ZNF616: variants seen among roughly 807,000 people sequenced by gnomAD.
The protein encoded by ZNF616 is zinc finger protein 616.
A neutral mutation model predicts 7.6 loss-of-function variants in ZNF616; 5 were observed. The observed-to-expected ratio is 0.66, with a 90% confidence interval of 0.34 to 1.38. ZNF616 has a LOEUF of 1.38. Among genes scored for constraint, ZNF616 ranks in the 40% most tolerant of loss-of-function variants. ZNF616 has a pLI of 0.04. For synonymous variants in ZNF616, 319 were observed against 317.2 expected (o/e 1.01, Z -0.06); for missense variants, 913 against 948.3 (o/e 0.96, Z 0.49).
chr19:52,128,564 G>A (rs1008924732), intron 2 of ZNF616, among the ~76,000 whole-genome samples: 2 of 152,042 alleles, frequency 1.3e-5, no homozygotes, highest in African/African-American at 4.8e-5. Flanking sequence ...CCAACATAGA[G>A]AAACTCTGTC....
rs1159982882 is a variant in ZNF616, at chr19:52,116,775, TC to T, written c.388del (p.Asp130MetfsTer2). ...GTTTTCAATATGATTGTTTTCTACA[TC>T]CCCTTGACTATGTTGATCTCTTTTA... ...TGKRDQHSQG[D>X]VENNHIENQL... On this transcript the variant is annotated frameshift_variant, in exon 4 of 4. Transcript: ENST00000600228. LOFTEE classifies it low-confidence loss of function (END_TRUNC). The T allele has an allele frequency of 1.9e-6, 3 of 1,614,050 alleles. No individual in the cohort carries two copies. The highest frequency in any genetic ancestry group is 2.5e-6 in the Non-Finnish European group (3 of 1,180,026).
intron 1 of ZNF616, among the ~76,000 whole-genome samples, chr19:52,133,375 A>C (rs1009416862): frequency 6.6e-6 from 1 of 152,188 alleles, no homozygotes. Context: ...TAGACGTTGC[A>C]GTTGTTACAC....
At position 52,115,761 on chromosome 19, in the gene ZNF616, T is replaced by C. The variant is rs753945032; in HGVS notation, c.1403A>G (p.Asn468Ser). 1.9e-6 allele frequency: 3 copies of C among 1,614,194 alleles called. No individual in the cohort carries two copies. Among genetic ancestry groups the C allele is most frequent in the South Asian group, 2.2e-5 (2 of 91,082 alleles). Residue 468 changes from asparagine to serine, a missense_variant, in exon 4 of 4, where the codon AAT (asparagine) becomes AGT (serine). Coordinates refer to ENST00000600228, the MANE Select transcript of ZNF616 (RefSeq NM_178523.5). ...IHTGEKAYKC[N>S]ECGKVFSIHS... ...TATGCTGAAAACTTTGCCACATTCATTGCATTTATAAGCTTTCTCGCCGGT... is the reference window on the plus strand; with the variant it reads ...TATGCTGAAAACTTTGCCACATTCACTGCATTTATAAGCTTTCTCGCCGGT...
At position 52,124,021 on chromosome 19, in the gene ZNF616, A is replaced by G; in HGVS notation, c.41T>C (p.Ile14Thr). The G allele has an allele frequency of 6.2e-7, 1 of 1,611,992 alleles. No homozygotes were observed. Among genetic ancestry groups the G allele is most frequent in the Non-Finnish European group, 8.5e-7 (1 of 1,179,406 alleles). The change falls in exon 3 of 4, where the codon ATA becomes ACA. Residue 14 changes from isoleucine (I) to threonine (T), a missense_variant. By Grantham distance (89) the Ile-to-Thr change is moderately conservative. Transcript: ENST00000600228. Reference protein sequence around the residue: ...QGHLTFKDVAIEFSQEEWKCL... With the variant: ...QGHLTFKDVATEFSQEEWKCL... ...TTTCCACTCCTCCTGAGAGAATTCT[A>G]TGGCTACATCCTTGAATGTCAAATG...
intron 2 of ZNF616, among the ~76,000 whole-genome samples, chr19:52,124,826 G>C (rs1247425911): frequency 6.6e-6 from 1 of 152,164 alleles, no homozygotes; most frequent in Non-Finnish European, 1.5e-5. Flanking sequence ...ACTGATGTCT[G>C]CTGAGGGATG....
rs747632750 is a variant in ZNF616 at position 52,117,006 on chromosome 19, A to C, written c.158T>G (p.Val53Gly). The change falls in exon 4 of 4, where the codon GTG becomes GGG. Residue 53 changes from valine (V) to glycine (G), a missense_variant. Transcript: ENST00000600228. ...CTCTGTTGGTGGTAATTCCTTGATC[A>C]CACATTTAGGAGAGATACCTGCAAA... The part of the protein sequence containing the change: ...LVFLGISPKC[V>G]IKELPPTENS... 1 of 1,583,864 alleles carries C rather than the reference A, an allele frequency of 6.3e-7. No homozygotes were observed. The highest frequency in any genetic ancestry group is 8.6e-7 in the Non-Finnish European group (1 of 1,169,338).
chr19:52,123,843 G>A, intron 3 of ZNF616, 80 bp downstream of exon 3: 1 of 1,566,712 alleles, frequency 6.4e-7, no homozygotes. Context: ...AATAACGGAG[G>A]GGTTCCCAAG....
At chr19:52,119,790 T>TGG (rs2088852653) in intron 3 of ZNF616, among the ~76,000 whole-genome samples, 2 of 152,182 alleles carry the variant, frequency 1.3e-5, no homozygotes, top group Non-Finnish European at 2.9e-5. Context: ...TGTGAGGATA[T>TGG]GGGAAGAAAG....
intron 3 of ZNF616, among the ~76,000 whole-genome samples, chr19:52,119,305 G>C (rs989308221): frequency 6.7e-6 from 1 of 150,242 alleles, no homozygotes; most frequent in East Asian, 2.0e-4. Context: ...GAACCCGGGA[G>C]GTGGAGGTTA....
rs767391844 is a variant in ZNF616, at chr19:52,115,173, T to C, written c.1991A>G (p.Asn664Ser). Reference sequence around the variant, plus strand: ...CCGTTTAAAGGTTTTGCCACACTCATTACATTTGTAAGGTCTGTCTCCAGT... The same window carrying C: ...CCGTTTAAAGGTTTTGCCACACTCACTACATTTGTAAGGTCTGTCTCCAGT... ...VHTGDRPYKC[N>S]ECGKTFKRSS... is the part of the protein sequence containing the mutation. Residue 664 changes from asparagine to serine, a missense_variant, in exon 4 of 4, where the codon AAT (asparagine) becomes AGT (serine). Transcript: ENST00000600228. 2.8e-5 allele frequency: 45 copies of C among 1,614,178 alleles called. 1 individual carries two copies. Among genetic ancestry groups the C allele is most frequent in the East Asian group, 8.9e-5 (4 of 44,878 alleles).
intron 1 of ZNF616, among the ~76,000 whole-genome samples, chr19:52,131,991 T>G (rs529899609): frequency 6.6e-6 from 1 of 151,818 alleles, no homozygotes; most frequent in South Asian, 2.1e-4. Context: ...AGGACACAGG[T>G]AGGAAATGAG....
chr19:52,127,577 A>G (rs982684156), intron 2 of ZNF616, among the ~76,000 whole-genome samples: 15 of 152,364 alleles, frequency 9.8e-5, no homozygotes, highest in Admixed American at 9.2e-4. Context: ...TAGATCTTAA[A>G]AAAACACAGT....
At chr19:52,127,754 A>T (rs1348899330) in intron 2 of ZNF616, among the ~76,000 whole-genome samples, 1 of 152,184 alleles carries the variant, frequency 6.6e-6, no homozygotes, top group East Asian at 1.9e-4. Context: ...CCATGGTGAA[A>T]AATTATAAAA....
Position 52,116,807 on chromosome 19 carries a change from A to G in ZNF616, c.357T>C (p.Leu119=). 6.2e-7 allele frequency: 1 copy of G among 1,613,894 alleles called. No individual in the cohort carries two copies. Among genetic ancestry groups the G allele is most frequent in the East Asian group, 2.2e-5 (1 of 44,866 alleles). The change falls in exon 4 of 4, where the codon CTT becomes CTC. Residue 119 remains leucine (L), a synonymous_variant. Coordinates refer to ENST00000600228, the MANE Select transcript of ZNF616 (RefSeq NM_178523.5). ...GACTATGTTGATCTCTTTTACCAGT[A>G]AGATTGTTTTCATGGGGCACTGGCA... ...KEVPVPHENN[L]TGKRDQHSQG... is the part of the protein sequence containing the mutation.
chr19:52,123,737 AG>A (rs1265527485), intron 3 of ZNF616, among the ~76,000 whole-genome samples, 185 bp downstream of exon 3: 1 of 152,248 alleles, frequency 6.6e-6, no homozygotes, highest in Admixed American at 6.5e-5. Context: ...TGATGTACAA[AG>A]AAGGCAGCAG....
At position 52,116,151 on chromosome 19, in the gene ZNF616, G is replaced by C. The variant is rs766420441; in HGVS notation, c.1013C>G (p.Ser338Ter). The change falls in exon 4 of 4, where the codon TCA (serine) becomes TGA (stop). Residue 338 changes from serine (S) to a stop codon, truncating the protein, a stop_gained. Transcript: ENST00000600228. LOFTEE classifies it low-confidence loss of function (END_TRUNC). ...GATTACCTGATGTACAGTGAGGTTT[G>C]AGCTCCGTTTAAAGGTTTTGCCACA... ...NECGKTFKRS[S>*]NLTVHQVIHA... is the part of the protein sequence containing the mutation. The C allele has an allele frequency of 3.1e-6, 5 of 1,614,122 alleles. No homozygotes were observed. In the Admixed American group the frequency reaches 8.3e-5, roughly 27 times the overall value.
At chr19:52,124,131 A>C (rs1194041913) in intron 2 of ZNF616, 82 bp from the exon 3 acceptor site, 7 of 1,501,918 alleles carry the variant, frequency 4.7e-6, no homozygotes, top group Non-Finnish European at 5.3e-6. Flanking sequence ...CTATCACATC[A>C]CTTTGAAGTG....
chr19:52,118,033 C>T (rs1201863157), intron 3 of ZNF616, among the ~76,000 whole-genome samples: 1 of 152,172 alleles, frequency 6.6e-6, no homozygotes, highest in East Asian at 1.9e-4. Context: ...ACCTCCACTC[C>T]TAAGACTCAA....
At chr19:52,130,028 C>T (rs901750260) in intron 2 of ZNF616, among the ~76,000 whole-genome samples, 2 of 152,180 alleles carry the variant, frequency 1.3e-5, no homozygotes, top group Non-Finnish European at 2.9e-5. Flanking sequence ...CCACCTCAGC[C>T]TCCTAAAGTG....
Sources: gnomAD v4.1 joint callset for allele counts (sites outside exome capture counted in the v4.1 genomes callset) on GRCh38, gnomAD v4.1.1 for gene constraint, MANE v1.5 for transcripts, NCBI Gene and HGNC (gene_info 2026-07-23, HGNC 2026-07-21) for gene names.